The following PCCB variants were observed in gnomAD, a reference collection of about 807,000 sequenced individuals.
PCCB encodes the protein propionyl-CoA carboxylase beta chain, mitochondrial.
Under a neutral mutation model 60.7 loss-of-function variants are expected in PCCB, and 43 were observed. That is an observed-to-expected ratio of 0.71 (90% CI 0.55 to 0.91). The LOEUF (loss-of-function observed/expected upper bound fraction) is 0.91, where lower values mean the gene tolerates loss of function less well. PCCB is among the 40% of genes least tolerant of loss of function. PCCB has a pLI of 0.00. For synonymous variants in PCCB, 276 were observed against 255.9 expected, an observed-to-expected ratio of 1.08 and a Z score of -0.75; for missense variants, 766 against 702.8, an observed-to-expected ratio of 1.09 and a Z score of -1.02.
chr3:136,318,795 TTTGA>T (rs1422406710), intron 10 of PCCB, among the ~76,000 whole-genome samples: 3 of 152,204 alleles, frequency 2.0e-5, no homozygotes, highest in Non-Finnish European at 4.4e-5. Context: ...TATACCACAT[TTTGA>T]TTGATTGTCC....
Position 136,305,350 on chromosome 3 carries a change from C to T in PCCB, c.966+4239C>T, listed in dbSNP as rs1418510416. On this transcript the variant is annotated intron_variant, in intron 9 of 14. Coordinates refer to ENST00000251654, the MANE Select transcript of PCCB (RefSeq NM_000532.5). ...CAAGTGATCCACTTGCCTCGGCCTCCCAAACTACTGGCATTAGAGGTGTAA... is the reference window on the plus strand; with the variant it reads ...CAAGTGATCCACTTGCCTCGGCCTCTCAAACTACTGGCATTAGAGGTGTAA... Among the ~76,000 whole-genome samples the T allele has an allele frequency of 3.3e-5, 4 of 121,626 alleles. 1 individual carries two copies. The highest frequency in any genetic ancestry group is 9.8e-5 in the Admixed American group (1 of 10,178). 79.8% of individuals were successfully genotyped at this position (121,626 alleles called of 152,430 possible).
chr3:136,328,773 A>G lies in PCCB; in HGVS notation c.1414A>G (p.Ile472Val), dbSNP rs1451107077. 1 of 1,614,028 alleles carries G rather than the reference A, an allele frequency of 6.2e-7. No homozygotes were observed. Residue 472 changes from isoleucine to valine, a missense_variant, in exon 14 of 15, where the codon ATC becomes GTC. By Grantham distance (29) the Ile-to-Val change is conservative. Transcript: ENST00000251654. ...VMGAKGAVEI[I>V]FKGHENVEAA... Reference sequence around the variant, plus strand: ...CTAATCACAGGGCGCTGTGGAGATCATCTTCAAAGGGCATGAGAATGTGGA... The same window carrying G: ...CTAATCACAGGGCGCTGTGGAGATCGTCTTCAAAGGGCATGAGAATGTGGA...
chr3:136,252,274 T>A (rs1941537400), intron 1 of PCCB: 1 of 455,994 alleles, frequency 2.2e-6, no homozygotes, highest in East Asian at 7.0e-5. Flanking sequence ...ATTTATTTTT[T>A]TTGAGACAGA....
intron 9 of PCCB, among the ~76,000 whole-genome samples, chr3:136,315,988 G>T (rs941589131): frequency 1.3e-5 from 2 of 152,148 alleles, no homozygotes; most frequent in African/African-American, 4.8e-5. Flanking sequence ...GGAGGCCAAG[G>T]TGGGAGGATT....
rs1237531952 is a variant in PCCB, at chr3:136,283,873, T to G, written c.580T>G (p.Ser194Ala). Reference sequence around the variant, plus strand: ...GGCATCCGGAGTCATCCCTCAGATTTCTCTGATCATGGGCCCATGTGCTGG... The same window carrying G: ...GGCATCCGGAGTCATCCCTCAGATTGCTCTGATCATGGGCCCATGTGCTGG... The part of the protein sequence containing the change: ...VTASGVIPQI[S>A]LIMGPCAGGA... The change falls in exon 6 of 15, where the codon TCT becomes GCT. Residue 194 changes from serine to alanine, a missense_variant. Coordinates refer to ENST00000251654, the MANE Select transcript of PCCB (RefSeq NM_000532.5). 2.5e-6 allele frequency: 4 copies of G among 1,613,864 alleles called. No homozygotes were observed. The highest frequency in any genetic ancestry group is 2.5e-6 in the Non-Finnish European group (3 of 1,179,774).
intron 7 of PCCB, among the ~76,000 whole-genome samples, chr3:136,297,265 G>A (rs907351566): frequency 1.3e-5 from 2 of 152,182 alleles, no homozygotes; most frequent in Admixed American, 1.3e-4. Flanking sequence ...GACACGATCT[G>A]ACTTAAAAAG....
rs890870260 is a variant in PCCB, at chr3:136,269,747, G to T, written c.543+7682G>T. ...AAAAATACAAAAAAATTAGCCGGGTGTGGTGGCGGGTGCCTGTAGTCCCAG... is the reference window on the plus strand; with the variant it reads ...AAAAATACAAAAAAATTAGCCGGGTTTGGTGGCGGGTGCCTGTAGTCCCAG... On this transcript the variant is annotated intron_variant, in intron 5 of 14. Transcript: ENST00000251654. 2.8e-4 allele frequency among the ~76,000 whole-genome samples: 43 copies of T among 152,138 alleles called. 1 individual carries two copies. Among genetic ancestry groups the T allele is most frequent in the African/African-American group, 1.0e-3 (42 of 41,542 alleles).
chr3:136,326,955 G>C (rs1243488460), intron 11 of PCCB, 45 bp downstream of exon 11: 2 of 1,302,432 alleles, frequency 1.5e-6, no homozygotes, highest in Non-Finnish European at 2.2e-6. Context: ...GCCTTTCCCA[G>C]TAAGGTGCCC....
At chr3:136,280,494 C>A (rs1942448258) in intron 5 of PCCB, among the ~76,000 whole-genome samples, 1 of 152,116 alleles carries the variant, frequency 6.6e-6, no homozygotes, top group African/African-American at 2.4e-5. Flanking sequence ...CATAGGCATG[C>A]ACCACCATGC....
intron 1 of PCCB, chr3:136,252,467 G>T: frequency 8.0e-6 from 3 of 373,390 alleles, no homozygotes; most frequent in Non-Finnish European, 1.6e-5. Context: ...GGCTGGTCTT[G>T]AACTCCTGAC....
At chr3:136,294,773 G>C (rs1933859852) in intron 7 of PCCB, among the ~76,000 whole-genome samples, 1 of 151,850 alleles carries the variant, frequency 6.6e-6, no homozygotes, top group Non-Finnish European at 1.5e-5. Context: ...TCATACCCAG[G>C]TAATTTTTAT....
At chr3:136,305,753 A>G (rs1300704147) in intron 9 of PCCB, among the ~76,000 whole-genome samples, 1 of 119,756 alleles carries the variant, frequency 8.4e-6, no homozygotes, top group Non-Finnish European at 1.8e-5. Flanking sequence ...CTCTAAAAAA[A>G]AAAAAAAAGA....
intron 10 of PCCB, among the ~76,000 whole-genome samples, chr3:136,321,751 C>T (rs1935118375): frequency 6.6e-6 from 1 of 152,202 alleles, no homozygotes; most frequent in Non-Finnish European, 1.5e-5. Context: ...CTATCCCATA[C>T]CAATAGTATT....
chr3:136,261,811 G>T, intron 4 of PCCB, 141 bp from the exon 5 acceptor site: 1 of 684,004 alleles, frequency 1.5e-6, no homozygotes, highest in Non-Finnish European at 2.7e-6. Context: ...CAATCGTGAT[G>T]GGGAGTGAAA....
At chr3:136,306,137 TTTTCA>T (rs1301032908) in intron 9 of PCCB, among the ~76,000 whole-genome samples, 1 of 122,806 alleles carries the variant, frequency 8.1e-6, no homozygotes, top group African/African-American at 2.5e-5. Flanking sequence ...ATACAAATAG[TTTTCA>T]TTTATATAAA....
chr3:136,260,102 C>G (rs1040106180), intron 3 of PCCB: 10 of 354,920 alleles, frequency 2.8e-5, no homozygotes, highest in African/African-American at 6.4e-5. Context: ...GAGACAGGGT[C>G]TTGCTCTGTT....
intron 10 of PCCB, among the ~76,000 whole-genome samples, chr3:136,319,829 A>G (rs949501607): frequency 1.3e-5 from 2 of 152,170 alleles, no homozygotes; most frequent in Admixed American, 6.5e-5. Flanking sequence ...TCCTGAGAGT[A>G]TTACGGTTTT....
At chr3:136,326,988 C>G (rs773113049) in intron 11 of PCCB, 78 bp downstream of exon 11, 1 of 1,146,926 alleles carries the variant, frequency 8.7e-7, no homozygotes, top group Non-Finnish European at 1.3e-6. Flanking sequence ...GATCTTCTTG[C>G]AGAACTCCCC....
chr3:136,285,862 G>T (rs1482529370), intron 6 of PCCB, among the ~76,000 whole-genome samples: 2 of 152,176 alleles, frequency 1.3e-5, no homozygotes, highest in African/African-American at 4.8e-5. Flanking sequence ...CTTGTCCTCA[G>T]CACCATTCTT....
Sources: allele counts gnomAD v4.1 joint callset (sites outside exome capture counted in the v4.1 genomes callset), GRCh38; gene constraint gnomAD v4.1.1; transcripts MANE v1.5; gene names NCBI Gene and HGNC (gene_info 2026-07-23, HGNC 2026-07-21).